Variants in BICC1 observed in about 807,000 individuals in gnomAD.
BICC1 encodes protein bicaudal C homolog 1.
BICC1 carries 43 observed loss-of-function variants against 111.0 expected under a neutral mutation model. The ratio of observed to expected loss-of-function variants is 0.39; its 90% CI spans 0.30 to 0.50. The LOEUF is 0.50. BICC1 is among the 20% of genes least tolerant of loss of function. The pLI is 0.88. For synonymous variants in BICC1, 467 were observed against 434.4 expected (o/e 1.07, Z -0.93); for missense variants, 1,091 against 1,203.2 (o/e 0.91, Z 1.38).
chr10:58,828,999 A>G lies in BICC1; in HGVS notation c.*108A>G, dbSNP rs752884901. On this transcript the variant is annotated 3_prime_UTR_variant, in exon 21 of 21. Transcript: ENST00000373886. Reference sequence around the variant, plus strand: ...CTTAGCACTCTGGGTGTCTGGTATCAGGACCAAAGCATTTTATTCGCACCT... The same window carrying G: ...CTTAGCACTCTGGGTGTCTGGTATCGGGACCAAAGCATTTTATTCGCACCT... 5.7e-5 allele frequency: 78 copies of G among 1,359,016 alleles called. No homozygotes were observed. Among genetic ancestry groups the G allele is most frequent in the Non-Finnish European group, 7.1e-5 (71 of 993,040 alleles). The allele number at this position is 1,359,016 out of a possible 1,614,324, so 84.2% of individuals were successfully genotyped here.
intron 1 of BICC1, among the ~76,000 whole-genome samples, chr10:58,531,307 CT>C (rs554914118): frequency 2.3e-4 from 35 of 151,878 alleles, no homozygotes; most frequent in African/African-American, 7.7e-4. Flanking sequence ...GTGCAAGAGA[CT>C]GTAGACTCCT....
rs1419690703 is a variant in BICC1, at chr10:58,817,608, G to A, written c.2580G>A (p.Ser860=). The A allele has an allele frequency of 2.5e-6, 4 of 1,613,464 alleles. No homozygotes were observed. Among genetic ancestry groups the A allele is most frequent in the East Asian group, 2.2e-5 (1 of 44,832 alleles). ...GCAATTACATGGACTGCATTTCCTC[G>A]CTGACAGGAAGCAATGGCTGTAACT... The part of the protein sequence containing the change: ...SSSNYMDCIS[S]LTGSNGCNLN... Residue 860 remains serine, a synonymous_variant, in exon 19 of 21, where the codon TCG becomes TCA. Transcript: ENST00000373886.
At chr10:58,578,781 G>T (rs1286421928) in intron 1 of BICC1, among the ~76,000 whole-genome samples, 1 of 152,092 alleles carries the variant, frequency 6.6e-6, no homozygotes, top group African/African-American at 2.4e-5. Context: ...CCCTATAAGA[G>T]CCATGCCCCC....
At chr10:58,677,982 A>G (rs1414525083) in intron 2 of BICC1, among the ~76,000 whole-genome samples, 1 of 152,190 alleles carries the variant, frequency 6.6e-6, no homozygotes, top group Non-Finnish European at 1.5e-5. Context: ...CTTTACAGAC[A>G]AGCAACTGCT....
chr10:58,688,869 G>T (rs1321940955), intron 2 of BICC1, among the ~76,000 whole-genome samples: 1 of 152,014 alleles, frequency 6.6e-6, no homozygotes, highest in Non-Finnish European at 1.5e-5. Flanking sequence ...TCACACACTG[G>T]GGCCTGTTGG....
chr10:58,648,800 T>C (rs987208053), intron 2 of BICC1: 8 of 370,062 alleles, frequency 2.2e-5, no homozygotes, highest in Non-Finnish European at 2.6e-5. Flanking sequence ...TTCTGCTTTT[T>C]CATTTTCTCT....
At chr10:58,555,523 G>A in intron 1 of BICC1, among the ~76,000 whole-genome samples, 1 of 152,010 alleles carries the variant, frequency 6.6e-6, no homozygotes. Context: ...TAGGTGATGA[G>A]GTTCTCTATG....
At chr10:58,828,384 G>C (rs1417175562) in intron 20 of BICC1, among the ~76,000 whole-genome samples, 1 of 152,132 alleles carries the variant, frequency 6.6e-6, no homozygotes, top group Non-Finnish European at 1.5e-5. Flanking sequence ...AGCTTAGCTT[G>C]TTCTCCTTGC....
intron 2 of BICC1, among the ~76,000 whole-genome samples, chr10:58,688,535 T>C (rs1000544017): frequency 2.6e-5 from 4 of 152,172 alleles, no homozygotes; most frequent in African/African-American, 9.7e-5. Context: ...ACTGGGTATA[T>C]ACCCAAAGGA....
At chr10:58,536,315 C>G (rs1397746787) in intron 1 of BICC1, among the ~76,000 whole-genome samples, 1 of 151,724 alleles carries the variant, frequency 6.6e-6, no homozygotes, top group African/African-American at 2.4e-5. Flanking sequence ...CAAAATAGAT[C>G]ATATGTAAGC....
chr10:58,800,438 A>G, intron 13 of BICC1, 112 bp downstream of exon 13: 3 of 979,370 alleles, frequency 3.1e-6, no homozygotes, highest in Non-Finnish European at 2.9e-6. Context: ...GCTATCATTC[A>G]TCCTACCTCA....
At chr10:58,689,097 A>G (rs1012724490) in intron 2 of BICC1, among the ~76,000 whole-genome samples, 7 of 152,180 alleles carry the variant, frequency 4.6e-5, no homozygotes, top group Non-Finnish European at 1.0e-4. Context: ...GGTGCTAATG[A>G]TCAAGAACCT....
At chr10:58,681,835 A>G (rs1009430567) in intron 2 of BICC1, among the ~76,000 whole-genome samples, 4 of 151,198 alleles carry the variant, frequency 2.6e-5, no homozygotes, top group African/African-American at 7.3e-5. Flanking sequence ...GAAGCTGCAG[A>G]CCTTCACAGT....
intron 1 of BICC1, among the ~76,000 whole-genome samples, chr10:58,544,123 GTC>G (rs1330035362): frequency 2.0e-5 from 3 of 152,070 alleles, no homozygotes; most frequent in Non-Finnish European, 4.4e-5. Context: ...ATCAAACTAA[GTC>G]TGCATGAAGC....
intron 3 of BICC1, among the ~76,000 whole-genome samples, chr10:58,709,230 C>T (rs927697940): frequency 6.6e-6 from 1 of 152,216 alleles, no homozygotes; most frequent in African/African-American, 2.4e-5. Flanking sequence ...CCACACCTTT[C>T]CCAGCCTCTA....
chr10:58,658,404 T>G (rs10465987), intron 2 of BICC1, among the ~76,000 whole-genome samples: 150,084 of 152,120 alleles, frequency 0.99, 74,068 homozygotes, highest in East Asian at 1. Context: ...GGCCAGGCTG[T>G]TCTCGAACTC....
intron 14 of BICC1, 122 bp from the exon 15 acceptor site, chr10:58,802,955 A>G: frequency 3.0e-5 from 29 of 965,456 alleles, no homozygotes; most frequent in Non-Finnish European, 3.8e-5. Flanking sequence ...TGAGGATTAA[A>G]TGAGAGACTA....
In BICC1 at chr10:58,789,391, C is replaced by T. The variant is rs1227604274; in HGVS notation, c.730C>T (p.Arg244Cys). ...TYNISVSFKQ[R>C]SRMYGATVIV... is the part of the protein sequence containing the mutation. ...CAATATTTCAGTATCATTTAAACAG[C>T]GTTCCCGAATGTATGGTGCTACTGT... Residue 244 changes from arginine (R) to cysteine (C), a missense_variant, in exon 7 of 21, where the codon CGT (arginine) becomes TGT (cysteine). This residue lies in a region of BICC1 where 843 missense variants were observed against 900.8 expected (regional missense o/e 0.94). Coordinates refer to ENST00000373886, the MANE Select transcript of BICC1 (RefSeq NM_001080512.3). 3.7e-6 allele frequency: 6 copies of T among 1,613,926 alleles called. No individual in the cohort carries two copies. The highest frequency in any genetic ancestry group is 1.3e-5 in the African/African-American group (1 of 74,898).
chr10:58,515,043 G>A (rs1039726505), intron 1 of BICC1, among the ~76,000 whole-genome samples: 5 of 152,162 alleles, frequency 3.3e-5, no homozygotes, highest in Non-Finnish European at 7.3e-5. Flanking sequence ...AAGTTCAAGT[G>A]TATAACCTGA....
Sources: allele counts gnomAD v4.1 joint callset (sites outside exome capture counted in the v4.1 genomes callset), GRCh38; gene constraint gnomAD v4.1.1; regional missense constraint gnomAD v4.1.1; transcripts MANE v1.5; gene names NCBI Gene and HGNC (gene_info 2026-07-23, HGNC 2026-07-21).